Variants in ALAS2 observed in about 807,000 individuals in gnomAD.
ALAS2 encodes 5-aminolevulinate synthase, erythroid-specific, mitochondrial.
ALAS2 carries 3 observed loss-of-function variants against 33.7 expected under a neutral mutation model. That is an observed-to-expected ratio of 0.09 (90% CI 0.04 to 0.23). ALAS2 has a LOEUF of 0.23. Ranked by LOEUF, ALAS2 falls within the 10% of genes least tolerant of loss-of-function variation. The pLI, the probability that ALAS2 is intolerant of heterozygous loss-of-function variation, is 1.00. For missense variants in ALAS2, 304 were observed against 475.1 expected, an observed-to-expected ratio of 0.64 and a Z score of 3.35; for synonymous variants, 191 against 177.3, an observed-to-expected ratio of 1.08 and a Z score of -0.61.
chrX:55,024,661 C>T (rs199543770), intron 3 of ALAS2, 57 bp downstream of exon 3: 23 of 1,200,594 alleles, frequency 1.9e-5, no homozygotes, highest in Admixed American at 1.5e-4. Flanking sequence ...AGGACTGTGA[C>T]GTAGTGTGTT....
intron 3 of ALAS2, among the ~76,000 whole-genome samples, chrX:55,024,418 G>A (rs1935855723): frequency 9.0e-6 from 1 of 111,711 alleles, no homozygotes; most frequent in African/African-American, 3.3e-5. Flanking sequence ...TTGCTGAAAT[G>A]TGGGACCCCA....
rs1935684652 is a variant in ALAS2, at chrX:55,015,566, G to A, written c.1168+12C>T. ...TGGAGGGTATATAAGAAGGCCCAAA[G>A]CATTCACTTACCAAGAGTTCCAGAG... is the stretch of plus-strand genomic sequence containing the variant. On this transcript the variant is annotated intron_variant, in intron 8 of 10. Coordinates refer to ENST00000650242, the MANE Select transcript of ALAS2 (RefSeq NM_000032.5). 5.0e-6 allele frequency: 6 copies of A among 1,210,776 alleles called. No individual in the cohort carries two copies. Among genetic ancestry groups the A allele is most frequent in the Non-Finnish European group, 5.6e-6 (5 of 894,846 alleles).
intron 7 of ALAS2, 77 bp downstream of exon 7, chrX:55,017,409 C>T (rs1215800953): frequency 2.0e-5 from 19 of 931,746 alleles, no homozygotes; most frequent in South Asian, 7.9e-5. Context: ...ATAATGTTAT[C>T]GTCATCATCA....
rs370446998 is a variant in ALAS2, at chrX:55,027,746, C to T, written c.-15-1731G>A. The T allele has an allele frequency of 3.6e-5, 44 of 1,208,504 alleles. No homozygotes were observed. The highest frequency in any genetic ancestry group is 1.5e-4 in the Admixed American group (7 of 45,689). On this transcript the variant is annotated intron_variant, in intron 1 of 10. Transcript: ENST00000650242. Reference sequence around the variant, plus strand: ...GATCTCATAGAACAAGCACCCTCCCCGTACCTCACAAAACAACCTCTTTTT... The same window carrying T: ...GATCTCATAGAACAAGCACCCTCCCTGTACCTCACAAAACAACCTCTTTTT...
At chrX:55,028,717 G>C (rs1226638043) in intron 1 of ALAS2, among the ~76,000 whole-genome samples, 1 of 111,521 alleles carries the variant, frequency 9.0e-6, no homozygotes, top group African/African-American at 3.3e-5. Flanking sequence ...ACTCTGCCTG[G>C]CCATCATTAT....
chrX:55,015,047 A>T, intron 8 of ALAS2, 32 bp from the exon 9 acceptor site: 1 of 1,190,632 alleles, frequency 8.4e-7, no homozygotes, highest in Non-Finnish European at 1.1e-6. Flanking sequence ...ATATACACAG[A>T]TCCCATAATC....
Position 55,017,660 on chromosome X carries a change from C to G in ALAS2, c.829G>C (p.Glu277Gln), listed in dbSNP as rs202150943. The change falls in exon 7 of 11, where the codon GAG (glutamate) becomes CAG (glutamine). Residue 277 changes from glutamate (E) to glutamine (Q), a missense_variant. By Grantham distance (29) the Glu-to-Gln change is conservative (BLOSUM62 2). Around this residue, in one of 3 missense-constraint regions of ALAS2, gnomAD observed 138 missense variants for 265.3 expected, o/e 0.52. Transcript: ENST00000650242. ...TGGTTGCCTGCGTCTGAGTAAATCT[C>G]GCACCCTGAGGAAGCAGATGTATAA... ...FTLAKILPGCEIYSDAGNHAS... is the reference protein window; with the variant it reads ...FTLAKILPGCQIYSDAGNHAS... 8.3e-7 allele frequency: 1 copy of G among 1,211,246 alleles called. No homozygotes were observed. The highest frequency in any genetic ancestry group is 1.8e-5 in the South Asian group (1 of 56,960).
In ALAS2 at chrX:55,020,622, CTG is replaced by C. The variant is rs1935788753; in HGVS notation, c.639-120_639-119del. 9.5e-6 allele frequency: 7 copies of C among 738,740 alleles called. No homozygotes were observed. The Admixed American group carries it at 1.4e-4, about 15-fold the overall frequency. 60.9% of individuals were successfully genotyped at this position (738,740 alleles called of 1,213,427 possible). A position where few individuals can be genotyped will look rare whatever the true frequency, so the allele number is the denominator to read the frequency against. ...TGTTGAGTTAGTGATCCTATATAAA[CTG>C]TGTCCTATGAGACAAAGTAGAGGGA... On this transcript the variant is annotated intron_variant, in intron 5 of 10. Transcript: ENST00000650242.
Position 55,013,554 on chromosome X carries a change from C to T in ALAS2, c.1532G>A (p.Arg511Gln), listed in dbSNP as rs372675935. ...TGCCAAGCGCAGGAGCTCTTCACCC[C>T]GGGGGACAGTTGGGTAGTTGATGGC... ...VQAINYPTVP[R>Q]GEELLRLAPS... Residue 511 changes from arginine (R) to glutamine (Q), a missense_variant, in exon 10 of 11, where the codon CGG (arginine) becomes CAG (glutamine). Physicochemically the swap from Arg to Gln is conservative, Grantham distance 43. Coordinates refer to ENST00000650242, the MANE Select transcript of ALAS2 (RefSeq NM_000032.5). 2.8e-5 allele frequency: 34 copies of T among 1,209,125 alleles called. No homozygotes were observed. The highest frequency in any genetic ancestry group is 5.9e-5 in the East Asian group (2 of 33,709).
chrX:55,010,917 A>G (rs1000791230), intron 10 of ALAS2, among the ~76,000 whole-genome samples: 1 of 111,672 alleles, frequency 9.0e-6, no homozygotes, highest in Non-Finnish European at 1.9e-5. Flanking sequence ...CACAGTTGGT[A>G]CTCAATAAAT....
At chrX:55,016,682 A>C (rs996542073) in intron 7 of ALAS2, among the ~76,000 whole-genome samples, 2 of 112,269 alleles carry the variant, frequency 1.8e-5, no homozygotes, top group African/African-American at 3.2e-5. Flanking sequence ...CCTAAAACAC[A>C]TGATTTCTAC....
At chrX:55,024,146 G>T (rs1426426329) in intron 3 of ALAS2, among the ~76,000 whole-genome samples, 1 of 111,883 alleles carries the variant, frequency 8.9e-6, no homozygotes, top group Non-Finnish European at 1.9e-5. Flanking sequence ...CCTGGGTCCT[G>T]CATTTAGAAA....
chrX:55,030,578 G>A (rs143552335), intron 1 of ALAS2, among the ~76,000 whole-genome samples: 127 of 110,903 alleles, frequency 1.1e-3, no homozygotes, highest in African/African-American at 3.8e-3. Flanking sequence ...ACACAGAGAC[G>A]GAGAGATACA....
chrX:55,015,807 G>T, intron 7 of ALAS2, 65 bp from the exon 8 acceptor site: 1 of 1,154,309 alleles, frequency 8.7e-7, no homozygotes, highest in Non-Finnish European at 1.2e-6. Flanking sequence ...CTCCAATGTG[G>T]AATTTCCCAT....
intron 6 of ALAS2, 49 bp from the exon 7 acceptor site, chrX:55,017,714 C>T: frequency 2.6e-6 from 3 of 1,161,462 alleles, no homozygotes; most frequent in African/African-American, 1.8e-5. Context: ...AGTACTCCCA[C>T]TTCAACCTTC....
chrX:55,014,681 T>C, intron 9 of ALAS2, 66 bp downstream of exon 9: 1 of 1,065,173 alleles, frequency 9.4e-7, no homozygotes, highest in South Asian at 2.8e-5. Flanking sequence ...GATGTAGGTT[T>C]GTTGGGAGCG....
chrX:55,020,590 G>T (rs1343907342), intron 5 of ALAS2, 86 bp from the exon 6 acceptor site: 2 of 917,098 alleles, frequency 2.2e-6, no homozygotes, highest in Non-Finnish European at 3.1e-6. Flanking sequence ...TCCTTGATGG[G>T]AGTCAATGTT....
rs893743032 is a variant in ALAS2, at chrX:55,027,389, A to G, written c.-15-1374T>C. On this transcript the variant is annotated intron_variant, in intron 1 of 10. Transcript: ENST00000650242. ...GTAGAGAAAATGACAAGATCAAAGG[A>G]TAGAGACAGAGAGGTGACTAAAGCA... Among the ~76,000 whole-genome samples, 4 of 110,416 alleles carry G rather than the reference A, an allele frequency of 3.6e-5. No individual in the cohort carries two copies. The Admixed American group carries it at 3.9e-4, about 11-fold the overall frequency.
chrX:55,023,842 G>A lies in ALAS2; in HGVS notation c.330C>T (p.Val110=). 1 of 1,210,362 alleles carries A rather than the reference G, an allele frequency of 8.3e-7. No homozygotes were observed. Among genetic ancestry groups the A allele is most frequent in the Non-Finnish European group, 1.1e-6 (1 of 894,548 alleles). Residue 110 remains valine (V), a synonymous_variant, in exon 4 of 11, where the codon GTC becomes GTT. Transcript: ENST00000650242. The part of the protein sequence containing the change: ...KTDLPSSLVS[V]SLRKPFSGPQ... Reference sequence around the variant, plus strand: ...GACCGGAAAATGGCTTCCTTAGGCTGACTGAGACCAGGGAGCTAGGCAGAT... The same window carrying A: ...GACCGGAAAATGGCTTCCTTAGGCTAACTGAGACCAGGGAGCTAGGCAGAT...
Sources: allele counts gnomAD v4.1 joint callset (sites outside exome capture counted in the v4.1 genomes callset), GRCh38; gene constraint gnomAD v4.1.1; regional missense constraint gnomAD v4.1.1; transcripts MANE v1.5; gene names NCBI Gene and HGNC (gene_info 2026-07-23, HGNC 2026-07-21).